KDM4C: variants seen among roughly 807,000 people sequenced by gnomAD.
KDM4C encodes lysine-specific demethylase 4C.
KDM4C carries 81 observed loss-of-function variants against 129.3 expected under a neutral mutation model. That is an observed-to-expected ratio of 0.63 (90% CI 0.52 to 0.75). The LOEUF is 0.75. KDM4C is among the 30% of genes least tolerant of loss of function. KDM4C has a pLI of 0.00. For synonymous variants in KDM4C, 573 were observed against 456.1 expected, an observed-to-expected ratio of 1.26 and a Z score of -3.26; for missense variants, 1,457 against 1,304.0, an observed-to-expected ratio of 1.12 and a Z score of -1.81.
In KDM4C at chr9:6,980,990, C is replaced by T. The variant is rs750709787; in HGVS notation, c.987C>T (p.Asp329=). 3.7e-6 allele frequency: 6 copies of T among 1,613,662 alleles called. No homozygotes were observed. The Admixed American group carries it at 6.7e-5, about 18-fold the overall frequency. Residue 329 remains aspartate (D), a synonymous_variant, in exon 9 of 22, where the codon GAC becomes GAT. Transcript: ENST00000381309. ...TCTTTGTGAGGAAATTTCAGCCAGA[C>T]AGATATCAGCTTTGGAAACAAGGAA... ...MDIFVRKFQP[D]RYQLWKQGKD...
chr9:7,040,021 G>C (rs181025062), intron 15 of KDM4C, among the ~76,000 whole-genome samples: 16 of 152,118 alleles, frequency 1.1e-4, no homozygotes, highest in African/African-American at 3.9e-4. Flanking sequence ...ATGTTTCTTA[G>C]AATTCAATAC....
chr9:6,884,398 A>G (rs1844941954), intron 6 of KDM4C, among the ~76,000 whole-genome samples: 2 of 152,210 alleles, frequency 1.3e-5, no homozygotes, highest in Admixed American at 6.5e-5. Flanking sequence ...TAAATCAAAT[A>G]CAGTACATCT....
intron 18 of KDM4C, among the ~76,000 whole-genome samples, chr9:7,113,320 AT>A (rs1838539604): frequency 6.6e-6 from 1 of 152,234 alleles, no homozygotes; most frequent in Admixed American, 6.5e-5. Context: ...AAGGAGGAAT[AT>A]TTAGCACAGA....
At chr9:6,897,971 C>T (rs1002859084) in intron 8 of KDM4C, among the ~76,000 whole-genome samples, 5 of 152,054 alleles carry the variant, frequency 3.3e-5, no homozygotes, top group East Asian at 1.9e-4. Flanking sequence ...GAATGAAGTC[C>T]GTGATTACTC....
intron 18 of KDM4C, among the ~76,000 whole-genome samples, chr9:7,112,847 C>T (rs1218092260): frequency 6.6e-6 from 1 of 152,316 alleles, no homozygotes; most frequent in Admixed American, 6.5e-5. Flanking sequence ...TTCCACAAAT[C>T]CTCATAGTGT....
At chr9:6,871,024 C>T (rs1842753522) in intron 5 of KDM4C, among the ~76,000 whole-genome samples, 2 of 152,202 alleles carry the variant, frequency 1.3e-5, no homozygotes, top group South Asian at 4.1e-4. Flanking sequence ...AGCCCTGTGA[C>T]AGACGTCTGG....
At position 6,845,238 on chromosome 9, in the gene KDM4C, G is replaced by A. The variant is rs111311190; in HGVS notation, c.436-4269G>A. Among the ~76,000 whole-genome samples the A allele has an allele frequency of 2.2e-3, 334 of 152,284 alleles. 2 individuals carry two copies. Among genetic ancestry groups the A allele is most frequent in the African/African-American group, 7.6e-3 (317 of 41,542 alleles). On this transcript the variant is annotated intron_variant, in intron 4 of 21. Transcript: ENST00000381309. ...ATTGATTGATTGACTGATTGAGACA[G>A]GGTCTTGCTCTGTCATGCAGGCAGG...
intron 4 of KDM4C, among the ~76,000 whole-genome samples, chr9:6,840,934 A>T (rs761869817): frequency 6.6e-6 from 1 of 152,292 alleles, no homozygotes; most frequent in African/African-American, 2.4e-5. Flanking sequence ...GGTGCTAGCT[A>T]TGTCAGCCCT....
At chr9:6,917,224 C>T (rs1820470633) in intron 8 of KDM4C, among the ~76,000 whole-genome samples, 1 of 152,102 alleles carries the variant, frequency 6.6e-6, no homozygotes, top group African/African-American at 2.4e-5. Flanking sequence ...TTAATATGAG[C>T]ACCATATAGG....
At chr9:7,060,916 T>C (rs1243075562) in intron 17 of KDM4C, among the ~76,000 whole-genome samples, 2 of 152,226 alleles carry the variant, frequency 1.3e-5, no homozygotes. Context: ...GCTGTTCCTC[T>C]TCCCCTACTG....
chr9:7,024,202 G>GA (rs1262602985), intron 15 of KDM4C, among the ~76,000 whole-genome samples: 10 of 150,814 alleles, frequency 6.6e-5, no homozygotes, highest in Non-Finnish European at 1.5e-4. Flanking sequence ...CTATCTGGAG[G>GA]ATCTGTCCAT....
At position 6,972,560 on chromosome 9, in the gene KDM4C, A is replaced by C. The variant is rs943048979; in HGVS notation, c.922-8365A>C. 2.0e-5 allele frequency among the ~76,000 whole-genome samples: 3 copies of C among 152,320 alleles called. No individual in the cohort carries two copies. The East Asian group carries it at 5.8e-4, about 29-fold the overall frequency. ...CCAGTTGTGGTCATAGGTTATTCAT[A>C]TTTTAAAAGACTGTTAAATATTTTA... is the stretch of plus-strand genomic sequence containing the variant. On this transcript the variant is annotated intron_variant, in intron 8 of 21. Coordinates refer to ENST00000381309, the MANE Select transcript of KDM4C (RefSeq NM_015061.6).
intron 3 of KDM4C, among the ~76,000 whole-genome samples, chr9:6,813,315 CACCATGCCCAT>C (rs1409441305): frequency 4.6e-5 from 7 of 152,286 alleles, no homozygotes; most frequent in Admixed American, 2.0e-4. Context: ...GGATTATAGC[CACCATGCCCAT>C]CCCATGCCCA....
At chr9:6,729,709 A>G (rs1817258872) in intron 1 of KDM4C, among the ~76,000 whole-genome samples, 1 of 134,744 alleles carries the variant, frequency 7.4e-6, no homozygotes, top group African/African-American at 3.1e-5. Context: ...AGCTCTTGTA[A>G]AATCAGATGT....
At position 7,049,124 on chromosome 9, in the gene KDM4C, CA is replaced by C; in HGVS notation, c.2349del (p.Glu784LysfsTer13). On this transcript the variant is annotated frameshift_variant, in exon 17 of 22. Coordinates refer to ENST00000381309, the MANE Select transcript of KDM4C (RefSeq NM_015061.6). LOFTEE classifies it high-confidence loss of function. Reference sequence around the variant, plus strand: ...CATGTCATGTGCGCCGTTGCGGTCCCAGAAGTTCGATTCACTAATGTCCCAG... The same window carrying C: ...CATGTCATGTGCGCCGTTGCGGTCCCGAAGTTCGATTCACTAATGTCCCAG... Reference protein sequence around the residue: ...WAHVMCAVAVPEVRFTNVPER... With the variant: ...WAHVMCAVAVXEVRFTNVPER... The C allele has an allele frequency of 6.2e-7, 1 of 1,612,656 alleles. No homozygotes were observed. Among genetic ancestry groups the C allele is most frequent in the Non-Finnish European group, 8.5e-7 (1 of 1,178,990 alleles).
intron 1 of KDM4C, among the ~76,000 whole-genome samples, chr9:6,732,541 C>G (rs1365439237): frequency 6.6e-6 from 1 of 151,812 alleles, no homozygotes; most frequent in African/African-American, 2.4e-5. Flanking sequence ...AGCCACCGCA[C>G]CCAGCCAGAA....
At position 6,881,878 on chromosome 9, in the gene KDM4C, A is replaced by C. The variant is rs574789475; in HGVS notation, c.679+1817A>C. On this transcript the variant is annotated intron_variant, in intron 6 of 21. Transcript: ENST00000381309. ...GCTAAATAATTAAAATGATAAAATA[A>C]TGCAGTGCGAATGATGGAGCATTTT... is the stretch of plus-strand genomic sequence containing the variant. 4.6e-5 allele frequency among the ~76,000 whole-genome samples: 7 copies of C among 152,240 alleles called. No homozygotes were observed. The South Asian group carries it at 8.3e-4, about 18-fold the overall frequency.
intron 8 of KDM4C, among the ~76,000 whole-genome samples, chr9:6,958,083 G>C (rs1264496668): frequency 1.2e-5 from 1 of 83,742 alleles, no homozygotes; most frequent in Non-Finnish European, 2.5e-5. Context: ...CAGCAAAGTA[G>C]CTTTTTTTTT....
chr9:6,880,199 A>G (rs1388133824), intron 6 of KDM4C, 138 bp downstream of exon 6: 3 of 440,832 alleles, frequency 6.8e-6, no homozygotes, highest in Non-Finnish European at 1.2e-5. Context: ...TGACTTTTAC[A>G]TGTTTTTTTA....
Sources: gnomAD v4.1 joint callset for allele counts (sites outside exome capture counted in the v4.1 genomes callset) on GRCh38, gnomAD v4.1.1 for gene constraint, MANE v1.5 for transcripts, NCBI Gene and HGNC (gene_info 2026-07-23, HGNC 2026-07-21) for gene names.